FAM184A: variants seen among roughly 807,000 people sequenced by gnomAD.
FAM184A encodes the protein family with sequence similarity 184 member A, also known as protein FAM184A.
FAM184A carries 99 observed loss-of-function variants against 143.8 expected under a neutral mutation model. The ratio of observed to expected loss-of-function variants is 0.69; its 90% CI spans 0.58 to 0.81. The LOEUF is 0.81. Among genes scored for constraint, FAM184A ranks in the 40% least tolerant of loss-of-function variants. FAM184A has a pLI of 0.00. For missense variants in FAM184A, 1,217 were observed against 1,310.5 expected (o/e 0.93, Z 1.10); for synonymous variants, 427 against 446.4 (o/e 0.96, Z 0.55).
chr6:119,120,774 A>G (rs894331345), intron 1 of FAM184A, among the ~76,000 whole-genome samples: 4 of 150,832 alleles, frequency 2.7e-5, no homozygotes, highest in Non-Finnish European at 5.9e-5. Flanking sequence ...TTTTCACTCA[A>G]TTTTATGGAC....
intron 1 of FAM184A, among the ~76,000 whole-genome samples, chr6:119,090,984 A>G (rs28673955): frequency 6.6e-6 from 1 of 152,204 alleles, no homozygotes; most frequent in Non-Finnish European, 1.5e-5. Flanking sequence ...CAATAATCCT[A>G]GATGCTTATG....
intron 1 of FAM184A, among the ~76,000 whole-genome samples, chr6:119,047,045 A>G (rs1270816666): frequency 3.5e-5 from 3 of 84,744 alleles, no homozygotes; most frequent in Non-Finnish European, 6.1e-5. Context: ...AAAATCTAAT[A>G]ATCTGATAAA....
At chr6:119,099,036 G>A (rs554446011) in intron 1 of FAM184A, among the ~76,000 whole-genome samples, 1 of 152,262 alleles carries the variant, frequency 6.6e-6, no homozygotes, top group South Asian at 2.1e-4. Context: ...CTTGAACCTG[G>A]GAGGTGGAGG....
At chr6:118,986,869 A>G (rs1275890529) in intron 9 of FAM184A, among the ~76,000 whole-genome samples, 1 of 152,224 alleles carries the variant, frequency 6.6e-6, no homozygotes, top group Non-Finnish European at 1.5e-5. Context: ...ACTATGCTCT[A>G]TGTCACTGCT....
At chr6:119,014,604 A>G (rs755041243) in intron 5 of FAM184A, among the ~76,000 whole-genome samples, 1 of 152,236 alleles carries the variant, frequency 6.6e-6, no homozygotes, top group Non-Finnish European at 1.5e-5. Flanking sequence ...TGTCTCATGA[A>G]GAGACAGCTC....
chr6:119,081,218 C>A (rs935301554), upstream of FAM184A, among the ~76,000 whole-genome samples: 2 of 152,126 alleles, frequency 1.3e-5, no homozygotes, highest in African/African-American at 4.8e-5. Flanking sequence ...CAGGAACTAC[C>A]AAACACTTAT....
At chr6:119,141,490 TTTTA>T (rs869271414) in intron 1 of FAM184A, among the ~76,000 whole-genome samples, 5 of 152,210 alleles carry the variant, frequency 3.3e-5, no homozygotes, top group East Asian at 1.9e-4. Context: ...TTTTATTTTA[TTTTA>T]TTTTTTTTGA....
intron 1 of FAM184A, among the ~76,000 whole-genome samples, chr6:119,107,745 T>A (rs1403148903): frequency 7.7e-5 from 11 of 143,652 alleles, no homozygotes; most frequent in Non-Finnish European, 1.5e-4. Context: ...GCCACTGCAC[T>A]CCAGCCTGGG....
chr6:118,994,324 C>T (rs986655861), intron 9 of FAM184A, among the ~76,000 whole-genome samples: 5 of 139,574 alleles, frequency 3.6e-5, no homozygotes, highest in African/African-American at 1.3e-4. Flanking sequence ...TTCAATACCT[C>T]GAGTTAAAAT....
chr6:119,130,813 G>T (rs559311695), intron 1 of FAM184A, among the ~76,000 whole-genome samples: 1 of 151,850 alleles, frequency 6.6e-6, no homozygotes, highest in Non-Finnish European at 1.5e-5. Context: ...CACCTGAAGT[G>T]GGTATTTGAC....
intron 1 of FAM184A, among the ~76,000 whole-genome samples, chr6:119,099,633 C>A (rs769926226): frequency 6.6e-6 from 1 of 152,144 alleles, no homozygotes; most frequent in Non-Finnish European, 1.5e-5. Flanking sequence ...GGATCATACA[C>A]TTTTTGCCCA....
At chr6:119,094,776 A>AAC (rs1326267405) in intron 1 of FAM184A, among the ~76,000 whole-genome samples, 55 of 151,720 alleles carry the variant, frequency 3.6e-4, no homozygotes, top group Non-Finnish European at 7.5e-4. Flanking sequence ...AAAAAAAAAA[A>AAC]AGGAGGGGAT....
intron 1 of FAM184A, among the ~76,000 whole-genome samples, chr6:119,031,143 C>G (rs571671570): frequency 3.4e-4 from 52 of 152,116 alleles, no homozygotes; most frequent in Middle Eastern, 6.8e-3. Flanking sequence ...GTGAACAATT[C>G]TAGATCCTAG....
intron 9 of FAM184A, among the ~76,000 whole-genome samples, chr6:118,983,381 TAAAA>T (rs576451584): frequency 2.0e-5 from 3 of 152,204 alleles, no homozygotes; most frequent in East Asian, 3.9e-4. Context: ...ACTCAAAAGA[TAAAA>T]AACCTCTGCT....
chr6:119,145,346 T>C (rs1772390805), intron 1 of FAM184A, among the ~76,000 whole-genome samples: 1 of 152,192 alleles, frequency 6.6e-6, no homozygotes, highest in Non-Finnish European at 1.5e-5. Flanking sequence ...CTATCTTTTA[T>C]TGGCTTCTTT....
intron 1 of FAM184A, among the ~76,000 whole-genome samples, chr6:119,054,710 C>G (rs1935224323): frequency 6.6e-6 from 1 of 152,104 alleles, no homozygotes; most frequent in South Asian, 2.1e-4. Context: ...TTAACCGTCA[C>G]TAAACCTAAG....
At chr6:119,058,458 C>T (rs1335949869) in intron 1 of FAM184A, among the ~76,000 whole-genome samples, 1 of 152,064 alleles carries the variant, frequency 6.6e-6, no homozygotes, top group African/African-American at 2.4e-5. Context: ...CCACCTTAGT[C>T]TCCCAAAATG....
intron 1 of FAM184A, among the ~76,000 whole-genome samples, chr6:119,047,833 T>C (rs373694898): frequency 9.9e-5 from 15 of 152,234 alleles, no homozygotes; most frequent in African/African-American, 3.6e-4. Flanking sequence ...ACTGAAACTA[T>C]TCCATAAAAT....
At chr6:118,995,734 C>T (rs751376991) in intron 9 of FAM184A, among the ~76,000 whole-genome samples, 3 of 152,174 alleles carry the variant, frequency 2.0e-5, no homozygotes, top group Admixed American at 6.5e-5. Flanking sequence ...TCTAACATAA[C>T]TTCATAATCA....
Sources: allele counts gnomAD v4.1 joint callset (sites outside exome capture counted in the v4.1 genomes callset), GRCh38; gene constraint gnomAD v4.1.1; transcripts MANE v1.5; gene names NCBI Gene and HGNC (gene_info 2026-07-23, HGNC 2026-07-21).